ANKS1B: variants seen among roughly 807,000 people sequenced by gnomAD.
The protein encoded by ANKS1B is ankyrin repeat and sterile alpha motif domain-containing protein 1B.
ANKS1B carries 36 observed loss-of-function variants against 148.3 expected under a neutral mutation model. The ratio of observed to expected loss-of-function variants is 0.24; its 90% CI spans 0.19 to 0.32. ANKS1B has a LOEUF of 0.32. Ranked by LOEUF, ANKS1B falls within the 10% of genes least tolerant of loss-of-function variation. The pLI is 1.00. For missense variants in ANKS1B, 1,157 were observed against 1,542.6 expected, an observed-to-expected ratio of 0.75 and a Z score of 4.19; for synonymous variants, 542 against 560.8, an observed-to-expected ratio of 0.97 and a Z score of 0.47.
At chr12:99,530,583 G>T (rs1463009681) in intron 9 of ANKS1B, among the ~76,000 whole-genome samples, 1 of 152,008 alleles carries the variant, frequency 6.6e-6, no homozygotes, top group African/African-American at 2.4e-5. Flanking sequence ...TCAGCAAAAA[G>T]CAAAAGTGAT....
chr12:99,210,183 T>C (rs10128922), intron 14 of ANKS1B, among the ~76,000 whole-genome samples: 68 of 152,182 alleles, frequency 4.5e-4, no homozygotes, highest in African/African-American at 1.6e-3. Context: ...AGAATGTTCC[T>C]GACCAAAATC....
intron 17 of ANKS1B, among the ~76,000 whole-genome samples, chr12:98,987,275 A>C (rs2153255735): frequency 6.6e-6 from 1 of 151,958 alleles, no homozygotes; most frequent in Non-Finnish European, 1.5e-5. Flanking sequence ...AACTTCATTA[A>C]AATTTTAACT....
At chr12:98,998,159 A>G (rs935052741) in intron 17 of ANKS1B, among the ~76,000 whole-genome samples, 1 of 152,186 alleles carries the variant, frequency 6.6e-6, no homozygotes, top group Admixed American at 6.5e-5. Flanking sequence ...GTGGGAATTT[A>G]CCCAGACTGC....
intron 17 of ANKS1B, among the ~76,000 whole-genome samples, chr12:98,845,885 A>T (rs900860618): frequency 3.3e-5 from 5 of 151,936 alleles, no homozygotes; most frequent in African/African-American, 1.2e-4. Context: ...ATTTTCAATT[A>T]ATTCAATTAT....
intron 9 of ANKS1B, among the ~76,000 whole-genome samples, chr12:99,567,705 G>C (rs2097410616): frequency 6.6e-6 from 1 of 152,124 alleles, no homozygotes; most frequent in Non-Finnish European, 1.5e-5. Flanking sequence ...AAGGTATCAG[G>C]ACCAAGATAT....
intron 10 of ANKS1B, among the ~76,000 whole-genome samples, chr12:99,461,726 G>C (rs915881304): frequency 6.6e-6 from 1 of 152,078 alleles, no homozygotes; most frequent in Non-Finnish European, 1.5e-5. Flanking sequence ...CAGTTTCCTC[G>C]TACATTTTCA....
chr12:99,766,777 T>C (rs2062686051), intron 8 of ANKS1B, among the ~76,000 whole-genome samples: 1 of 152,190 alleles, frequency 6.6e-6, no homozygotes, highest in Non-Finnish European at 1.5e-5. Flanking sequence ...GAATCAGTTA[T>C]GTTCCTATAA....
Position 98,880,452 on chromosome 12 carries a change from G to A in ANKS1B, c.2779-48316C>T, listed in dbSNP as rs1232552578. Among the ~76,000 whole-genome samples the A allele has an allele frequency of 2.6e-5, 4 of 152,296 alleles. No homozygotes were observed. In the East Asian group the frequency reaches 7.7e-4, roughly 29 times the overall value. Reference sequence around the variant, plus strand: ...AATCAAACTTAACTGGAATGCATAAGTATACCCAGCTTTACAAGATGGGTA... The same window carrying A: ...AATCAAACTTAACTGGAATGCATAAATATACCCAGCTTTACAAGATGGGTA... On this transcript the variant is annotated intron_variant, in intron 17 of 26. Transcript: ENST00000683438.
intron 12 of ANKS1B, among the ~76,000 whole-genome samples, chr12:99,350,910 G>T (rs540092042): frequency 5.5e-4 from 83 of 152,084 alleles, no homozygotes; most frequent in African/African-American, 1.9e-3. Flanking sequence ...TGTCTTAATA[G>T]CAATCACTCC....
chr12:98,903,188 T>A (rs1267685753), intron 17 of ANKS1B, among the ~76,000 whole-genome samples: 1 of 152,144 alleles, frequency 6.6e-6, no homozygotes, highest in East Asian at 1.9e-4. Flanking sequence ...AATCTTAGGA[T>A]AAAATATGGC....
chr12:99,273,724 G>A (rs779965405), intron 12 of ANKS1B, among the ~76,000 whole-genome samples: 11 of 151,396 alleles, frequency 7.3e-5, no homozygotes, highest in Non-Finnish European at 1.2e-4. Flanking sequence ...TTACAGGCGC[G>A]TGCCACCACA....
Position 99,665,260 on chromosome 12 carries a change from A to C in ANKS1B, c.1129-10050T>G, listed in dbSNP as rs571086936. On this transcript the variant is annotated intron_variant, in intron 8 of 26. Transcript: ENST00000683438. Reference sequence around the variant, plus strand: ...TGTCGGAGAGTTTCGGTAGCTCCACATTCTTGGCAACACTTAATTTTAGTT... The same window carrying C: ...TGTCGGAGAGTTTCGGTAGCTCCACCTTCTTGGCAACACTTAATTTTAGTT... 4.6e-5 allele frequency among the ~76,000 whole-genome samples: 7 copies of C among 152,320 alleles called. No homozygotes were observed. The South Asian group carries it at 1.4e-3, about 32-fold the overall frequency.
chr12:98,838,798 T>C (rs1261243629), intron 17 of ANKS1B, among the ~76,000 whole-genome samples: 2 of 152,246 alleles, frequency 1.3e-5, no homozygotes, highest in Non-Finnish European at 2.9e-5. Flanking sequence ...TGAGCAGTTC[T>C]GGTGTTCCTA....
chr12:99,052,141 T>C (rs1599038746), intron 17 of ANKS1B, among the ~76,000 whole-genome samples: 1 of 152,370 alleles, frequency 6.6e-6, no homozygotes, highest in East Asian at 1.9e-4. Context: ...CATTTTATGT[T>C]ACATTTTCAT....
At chr12:98,768,773 G>A (rs2098525082) in intron 25 of ANKS1B, among the ~76,000 whole-genome samples, 1 of 149,336 alleles carries the variant, frequency 6.7e-6, no homozygotes, top group Non-Finnish European at 1.5e-5. Context: ...GGCCAAATAA[G>A]CTTAAGAAGC....
intron 9 of ANKS1B, among the ~76,000 whole-genome samples, chr12:99,594,735 T>C (rs573297713): frequency 6.6e-6 from 1 of 152,086 alleles, no homozygotes; most frequent in African/African-American, 2.4e-5. Flanking sequence ...AATGGGGAGT[T>C]GCTATTCAAT....
intron 16 of ANKS1B, among the ~76,000 whole-genome samples, chr12:99,070,220 C>T (rs2045827246): frequency 6.6e-6 from 1 of 152,098 alleles, no homozygotes; most frequent in African/African-American, 2.4e-5. Flanking sequence ...AGAAGACCAA[C>T]CATCAGGCTA....
At chr12:99,129,557 C>T (rs1470815040) in intron 15 of ANKS1B, among the ~76,000 whole-genome samples, 2 of 152,170 alleles carry the variant, frequency 1.3e-5, no homozygotes, top group Admixed American at 1.3e-4. Flanking sequence ...TAGGCCAAGG[C>T]TCAGTCTTGA....
At chr12:98,884,570 C>T (rs993583671) in intron 17 of ANKS1B, among the ~76,000 whole-genome samples, 16 of 151,764 alleles carry the variant, frequency 1.1e-4, no homozygotes, top group African/African-American at 3.6e-4. Context: ...GAGGCCGAGG[C>T]GGGTGGATCA....
Sources: gnomAD v4.1 joint callset for allele counts (sites outside exome capture counted in the v4.1 genomes callset) on GRCh38, gnomAD v4.1.1 for gene constraint, MANE v1.5 for transcripts, NCBI Gene and HGNC (gene_info 2026-07-23, HGNC 2026-07-21) for gene names.